Variants in MYO1F observed in about 807,000 individuals in gnomAD.
MYO1F encodes myosin IF.
In MYO1F, 60 loss-of-function variants were observed where a neutral mutation model predicts 146.6. The observed-to-expected ratio is 0.41, with a 90% confidence interval of 0.33 to 0.51. The LOEUF (loss-of-function observed/expected upper bound fraction) is 0.51. Among genes scored for constraint, MYO1F ranks in the 20% least tolerant of loss-of-function variants. The probability of loss-of-function intolerance (pLI) is 0.25; values close to 1 mark genes in which losing one functional copy is unlikely to be tolerated. For synonymous variants in MYO1F, 602 were observed against 602.1 expected (o/e 1.00, Z 0.00); for missense variants, 1,274 against 1,534.3 (o/e 0.83, Z 2.83).
At chr19:8,550,815 AC>A in intron 8 of MYO1F, 121 bp from the exon 9 acceptor site, 2 of 1,352,040 alleles carry the variant, frequency 1.5e-6, no homozygotes, top group Non-Finnish European at 2.1e-6. Context: ...TCCCTGTCCT[AC>A]CCCTTTCAGT....
intron 4 of MYO1F, 97 bp from the exon 5 acceptor site, chr19:8,553,534 AGTAT>A: frequency 1.0e-6 from 1 of 981,122 alleles, no homozygotes; most frequent in Non-Finnish European, 1.6e-6. Flanking sequence ...TGTGCCTGCC[AGTAT>A]TCCGGGTACT....
intron 14 of MYO1F, 57 bp from the exon 15 acceptor site, chr19:8,542,048 G>T: frequency 7.1e-7 from 1 of 1,405,458 alleles, no homozygotes; most frequent in Non-Finnish European, 1.0e-6. Context: ...TGGGAGGGTG[G>T]GCGTGGGGTG....
At chr19:8,548,683 C>T (rs1370041611) in intron 10 of MYO1F, among the ~76,000 whole-genome samples, 1 of 151,438 alleles carries the variant, frequency 6.6e-6, no homozygotes, top group East Asian at 1.9e-4. Flanking sequence ...TCACTGCAAG[C>T]TCCGCCTCCA....
At chr19:8,524,816 C>G (rs111309880) in intron 25 of MYO1F, among the ~76,000 whole-genome samples, 1 of 151,900 alleles carries the variant, frequency 6.6e-6, no homozygotes, top group Non-Finnish European at 1.5e-5. Flanking sequence ...AAGAGCTCAA[C>G]GAATGGAATG....
In MYO1F at chr19:8,541,678, T is replaced by C; in HGVS notation, c.1610+228A>G. 5.4e-6 allele frequency: 3 copies of C among 553,918 alleles called. No individual in the cohort carries two copies. The highest frequency in any genetic ancestry group is 2.8e-5 in the Admixed American group (1 of 35,590). The allele number at this position is 553,918 out of a possible 1,614,324, so 34.3% of individuals were successfully genotyped here. ...TCTTGGCCTCAAGAGATTTGTCCAC[T>C]TCGGCCTCCCAAAGTGCTGGGATTA... On this transcript the variant is annotated intron_variant, in intron 15 of 27. Transcript: ENST00000644032.
intron 21 of MYO1F, among the ~76,000 whole-genome samples, chr19:8,529,337 G>T (rs369342617): frequency 1.3e-5 from 2 of 152,082 alleles, no homozygotes; most frequent in African/African-American, 4.8e-5. Flanking sequence ...TACAGGTGAC[G>T]GTAAACAGGC....
chr19:8,553,120 C>T lies in MYO1F; in HGVS notation c.504+19G>A, dbSNP rs771236724. ...GCACGGAGGGAGCAGCTGCTCCAAGCAGGTCTGCAGAGACTTACAAAGCGG... is the reference window on the plus strand; with the variant it reads ...GCACGGAGGGAGCAGCTGCTCCAAGTAGGTCTGCAGAGACTTACAAAGCGG... On this transcript the variant is annotated intron_variant, in intron 6 of 27. Transcript: ENST00000644032. 15 of 1,611,054 alleles carry T rather than the reference C, an allele frequency of 9.3e-6. No homozygotes were observed.
At chr19:8,569,030 G>C (rs894934411) in intron 1 of MYO1F, among the ~76,000 whole-genome samples, 1 of 152,132 alleles carries the variant, frequency 6.6e-6, no homozygotes, top group Non-Finnish European at 1.5e-5. Context: ...CTCAGGAAAT[G>C]TCATCTGTGA....
chr19:8,554,409 C>T, intron 4 of MYO1F, 68 bp downstream of exon 4: 1 of 1,359,366 alleles, frequency 7.4e-7, no homozygotes, highest in Non-Finnish European at 1.0e-6. Flanking sequence ...GCAAACCTCC[C>T]TGGGGGTGGT....
intron 19 of MYO1F, among the ~76,000 whole-genome samples, chr19:8,533,703 C>A (rs1972587939): frequency 6.6e-6 from 1 of 152,104 alleles, no homozygotes; most frequent in Admixed American, 6.6e-5. Flanking sequence ...CATGCCAACA[C>A]CTTGATTTTG....
At chr19:8,543,841 T>C (rs1470215302) in intron 14 of MYO1F, among the ~76,000 whole-genome samples, 1 of 41,670 alleles carries the variant, frequency 2.4e-5, no homozygotes, top group Non-Finnish European at 4.5e-5. Flanking sequence ...GTGGTGGTGG[T>C]GGTGGTGGTG....
At chr19:8,559,911 T>C (rs1336304447) in intron 1 of MYO1F, among the ~76,000 whole-genome samples, 36 of 146,524 alleles carry the variant, frequency 2.5e-4, no homozygotes, top group Admixed American at 6.9e-4. Context: ...GATTGTGCCA[T>C]TGCACTCCAG....
chr19:8,551,484 T>C (rs1973608935), intron 8 of MYO1F: 1 of 470,452 alleles, frequency 2.1e-6, no homozygotes, highest in Admixed American at 3.4e-5. Flanking sequence ...CCCCAGTAGC[T>C]GGGATTACAG....
In MYO1F at chr19:8,531,387, C is replaced by T. The variant is rs117298671; in HGVS notation, c.2044-814G>A. Among the ~76,000 whole-genome samples, 381 of 152,282 alleles carry T rather than the reference C, an allele frequency of 2.5e-3. 7 individuals carry two copies. The East Asian group carries it at 0.053, about 21-fold the overall frequency. On this transcript the variant is annotated intron_variant, in intron 19 of 27. Transcript: ENST00000644032. ...AGAAAAAGACAGGGTCTCGCTCCGT[C>T]GCCCAGACTGGAGTGTGGTGGTGCA...
chr19:8,530,544 T>G lies in MYO1F; in HGVS notation c.2073A>C (p.Arg691=). ...SLFLLEEVRE[R]KFDGFARTIQ... Reference sequence around the variant, plus strand: ...TGGTTCGGGCAAAGCCATCGAACTTTCGCTCTCGCACCTCCTCCAGGAGGA... The same window carrying G: ...TGGTTCGGGCAAAGCCATCGAACTTGCGCTCTCGCACCTCCTCCAGGAGGA... Residue 691 remains arginine, a synonymous_variant, in exon 20 of 28, where the codon CGA becomes CGC. Coordinates refer to ENST00000644032, the MANE Select transcript of MYO1F (RefSeq NM_012335.4). The surrounding 1 kb of genome is among the most constrained non-coding windows in gnomAD (Gnocchi z 5.8). The G allele has an allele frequency of 6.2e-7, 1 of 1,613,036 alleles. No homozygotes were observed. Among genetic ancestry groups the G allele is most frequent in the Non-Finnish European group, 8.5e-7 (1 of 1,180,020 alleles).
chr19:8,536,548 G>A lies in MYO1F; in HGVS notation c.1849C>T (p.Arg617Cys), dbSNP rs1972724882. The change falls in exon 18 of 28, where the codon CGC becomes TGC. Residue 617 changes from arginine (R) to cysteine (C), a missense_variant. Coordinates refer to ENST00000644032, the MANE Select transcript of MYO1F (RefSeq NM_012335.4). The part of the protein sequence containing the change: ...YLGLKENIRV[R>C]RAGFAYRRQF... Reference sequence around the variant, plus strand: ...CGGCGGTAGGCGAAGCCGGCTCTGCGCACCCTGATGTTCTCCTTCAGGCCC... The same window carrying A: ...CGGCGGTAGGCGAAGCCGGCTCTGCACACCCTGATGTTCTCCTTCAGGCCC... 3.1e-6 allele frequency: 5 copies of A among 1,607,196 alleles called. No homozygotes were observed. Among genetic ancestry groups the A allele is most frequent in the Middle Eastern group, 1.7e-4 (1 of 6,056 alleles).
At chr19:8,522,109 G>A (rs796549221) in intron 27 of MYO1F, among the ~76,000 whole-genome samples, 4 of 148,682 alleles carry the variant, frequency 2.7e-5, no homozygotes, top group African/African-American at 9.9e-5. Flanking sequence ...TGCAAGCTCC[G>A]CCTCCCGGGT....
intron 21 of MYO1F, chr19:8,529,711 A>G: frequency 3.6e-6 from 1 of 275,436 alleles, no homozygotes. Flanking sequence ...TTGTTGAGAG[A>G]TGCATCTGGC....
At chr19:8,569,602 G>C (rs933542377) in intron 1 of MYO1F, among the ~76,000 whole-genome samples, 2 of 152,130 alleles carry the variant, frequency 1.3e-5, no homozygotes, top group Non-Finnish European at 1.5e-5. Flanking sequence ...CCTGCCCTTG[G>C]GGGGCTCGGT....
Sources: gnomAD v4.1 joint callset for allele counts (sites outside exome capture counted in the v4.1 genomes callset) on GRCh38, gnomAD v4.1.1 for gene constraint, Gnocchi (gnomAD v3.1) non-coding constraint, MANE v1.5 for transcripts, NCBI Gene and HGNC (gene_info 2026-07-23, HGNC 2026-07-21) for gene names.